Variants in PDS5A observed in about 807,000 individuals in gnomAD.
The protein encoded by PDS5A is PDS5 cohesin associated factor A, also known as sister chromatid cohesion protein PDS5 homolog A.
A neutral mutation model predicts 167.1 loss-of-function variants in PDS5A; 42 were observed. That is an observed-to-expected ratio of 0.25 (90% CI 0.20 to 0.33). The LOEUF is 0.33. PDS5A is among the 10% of genes least tolerant of loss of function. The pLI, the probability that PDS5A is intolerant of heterozygous loss-of-function variation, is 1.00. For synonymous variants in PDS5A, 553 were observed against 554.6 expected (o/e 1.00, Z 0.04); for missense variants, 1,033 against 1,605.9 (o/e 0.64, Z 6.10).
chr4:39,908,367 CAGA>C, intron 11 of PDS5A, 25 bp downstream of exon 11: 1 of 1,576,658 alleles, frequency 6.3e-7, no homozygotes, highest in Non-Finnish European at 8.7e-7. Context: ...CAGTAAATTA[CAGA>C]AGAATAAAAT....
chr4:39,939,859 T>C (rs13132861), intron 2 of PDS5A, among the ~76,000 whole-genome samples: 145,060 of 152,308 alleles, frequency 0.95, 69,097 homozygotes, highest in East Asian at 0.99. Flanking sequence ...AACTACTGTA[T>C]AATACTTTGG....
chr4:39,853,847 C>CT (rs1324113650), intron 26 of PDS5A, among the ~76,000 whole-genome samples: 1 of 152,230 alleles, frequency 6.6e-6, no homozygotes, highest in African/African-American at 2.4e-5. Context: ...CATTGCTTTA[C>CT]TACAGCTGCC....
intron 5 of PDS5A, 53 bp from the exon 6 acceptor site, chr4:39,922,801 T>C: frequency 7.4e-7 from 1 of 1,351,278 alleles, no homozygotes; most frequent in Non-Finnish European, 9.6e-7. Context: ...AAGAAGAGAA[T>C]TCAAGCTTCT....
rs186423708 is a variant in PDS5A at position 39,956,280 on chromosome 4, T to C, written c.138+20160A>G. Among the ~76,000 whole-genome samples, 659 of 151,992 alleles carry C rather than the reference T, an allele frequency of 4.3e-3. 3 individuals carry two copies. The highest frequency in any genetic ancestry group is 6.6e-3 in the South Asian group (32 of 4,818). On this transcript the variant is annotated intron_variant, in intron 2 of 32. Transcript: ENST00000303538. ...GCTATGGCAGGCAAATCACTTGAGATCAAGAGTTGGAGACTAGCCCGGCCA... is the reference window on the plus strand; with the variant it reads ...GCTATGGCAGGCAAATCACTTGAGACCAAGAGTTGGAGACTAGCCCGGCCA...
intron 23 of PDS5A, among the ~76,000 whole-genome samples, chr4:39,864,130 AAAAAAACAAAAAAC>A (rs546147030): frequency 1.6e-4 from 25 of 152,008 alleles, no homozygotes; most frequent in Non-Finnish European, 2.4e-4. Flanking sequence ...CTCTGTCTCA[AAAAAAACAAAAAAC>A]AAAAAACAAA....
chr4:39,958,044 C>CCA (rs2109801238), intron 2 of PDS5A, among the ~76,000 whole-genome samples: 1 of 152,126 alleles, frequency 6.6e-6, no homozygotes, highest in African/African-American at 2.4e-5. Flanking sequence ...GAGCACACCA[C>CCA]CACACCTAGC....
At chr4:39,830,398 T>C (rs1372685862) in intron 32 of PDS5A, among the ~76,000 whole-genome samples, 2 of 152,092 alleles carry the variant, frequency 1.3e-5, no homozygotes, top group African/African-American at 4.8e-5. Context: ...CTTGCTATAG[T>C]ACCAAATAAC....
intron 7 of PDS5A, among the ~76,000 whole-genome samples, chr4:39,917,957 A>G (rs1315569948): frequency 6.6e-6 from 1 of 151,948 alleles, no homozygotes; most frequent in Non-Finnish European, 1.5e-5. Context: ...AGGCACGACA[A>G]TCTTGAGCCC....
chr4:39,970,363 C>G (rs1211060889), intron 2 of PDS5A, among the ~76,000 whole-genome samples: 3 of 151,444 alleles, frequency 2.0e-5, no homozygotes, highest in Non-Finnish European at 4.4e-5. Context: ...GAAAACATAT[C>G]TTAGCTCTTT....
At chr4:39,873,548 T>C (rs1416332766) in intron 20 of PDS5A, among the ~76,000 whole-genome samples, 1 of 152,052 alleles carries the variant, frequency 6.6e-6, no homozygotes, top group Non-Finnish European at 1.5e-5. Flanking sequence ...TCACACTATC[T>C]CCAATTTATG....
chr4:39,904,145 T>C lies in PDS5A; in HGVS notation c.1280A>G (p.Lys427Arg). The C allele has an allele frequency of 1.9e-6, 3 of 1,612,744 alleles. No homozygotes were observed. Among genetic ancestry groups the C allele is most frequent in the Non-Finnish European group, 2.5e-6 (3 of 1,179,116 alleles). ...EAMMGLAQLYKKYCLHGEAGK... is the reference protein window; with the variant it reads ...EAMMGLAQLYRKYCLHGEAGK... ...TGCTTCACCATGAAGACAGTATTTC[T>C]TATAAAGCTGAGCCAGACCCATCAT... Residue 427 changes from lysine (K) to arginine (R), a missense_variant, in exon 12 of 33, where the codon AAG (lysine) becomes AGG (arginine). Physicochemically the swap from Lys to Arg is conservative, Grantham distance 26. Around this residue, in one of 4 missense-constraint regions of PDS5A, gnomAD observed 388 missense variants for 615.1 expected, o/e 0.63. Coordinates refer to ENST00000303538, the MANE Select transcript of PDS5A (RefSeq NM_001100399.2).
At chr4:39,918,182 C>CAAAAAA (rs11447119) in intron 7 of PDS5A, among the ~76,000 whole-genome samples, 21 of 88,548 alleles carry the variant, frequency 2.4e-4, no homozygotes, top group Admixed American at 4.2e-4. Context: ...GACCCTGTCT[C>CAAAAAA]AAAAAAAAAA....
In PDS5A at chr4:39,829,546, C is replaced by G. The variant is rs139811810; in HGVS notation, c.4011-4058G>C. 1.1e-3 allele frequency among the ~76,000 whole-genome samples: 168 copies of G among 151,722 alleles called. 1 individual carries two copies. The East Asian group carries it at 0.028, about 26-fold the overall frequency. ...CCTGTAGTTCTAGCTACTCGGGAGG[C>G]TGAAGCAGAAAAATTGCTTTAATCC... is the stretch of plus-strand genomic sequence containing the variant. On this transcript the variant is annotated intron_variant, in intron 32 of 32. Coordinates refer to ENST00000303538, the MANE Select transcript of PDS5A (RefSeq NM_001100399.2).
chr4:39,929,914 C>A (rs1225909497), intron 2 of PDS5A, among the ~76,000 whole-genome samples: 267 of 142,572 alleles, frequency 1.9e-3, no homozygotes, highest in African/African-American at 6.6e-3. Flanking sequence ...CCTGGCTAAT[C>A]AAAAAAAAAA....
At chr4:39,904,335 C>G in intron 11 of PDS5A, 144 bp from the exon 12 acceptor site, 1 of 475,580 alleles carries the variant, frequency 2.1e-6, no homozygotes, top group Non-Finnish European at 3.6e-6. Context: ...AGAGGCTTTA[C>G]AAACAATTTT....
At chr4:39,928,887 T>C (rs982915774) in intron 2 of PDS5A, among the ~76,000 whole-genome samples, 2 of 150,982 alleles carry the variant, frequency 1.3e-5, no homozygotes, top group Admixed American at 6.6e-5. Flanking sequence ...AATTAAAACA[T>C]TTAATTAACC....
At position 39,905,886 on chromosome 4, in the gene PDS5A, G is replaced by T. The variant is rs151318925; in HGVS notation, c.1234-1695C>A. ...AAAAAGGAAAGGAGGCAGGGAGAAA[G>T]GAAGTTAGAAAAATTAATGATTCAA... On this transcript the variant is annotated intron_variant, in intron 11 of 32. Coordinates refer to ENST00000303538, the MANE Select transcript of PDS5A (RefSeq NM_001100399.2). Among the ~76,000 whole-genome samples the T allele has an allele frequency of 4.6e-3, 699 of 151,012 alleles. 8 individuals carry two copies. Among genetic ancestry groups the T allele is most frequent in the African/African-American group, 0.016 (659 of 41,138 alleles).
At chr4:39,871,238 T>C (rs1719998898) in intron 21 of PDS5A, among the ~76,000 whole-genome samples, 1 of 152,170 alleles carries the variant, frequency 6.6e-6, no homozygotes, top group Non-Finnish European at 1.5e-5. Flanking sequence ...GTGGCTATTA[T>C]GTTAGTGAAT....
intron 29 of PDS5A, among the ~76,000 whole-genome samples, chr4:39,845,572 T>G (rs1290740505): frequency 2.0e-5 from 3 of 152,206 alleles, no homozygotes; most frequent in Non-Finnish European, 4.4e-5. Flanking sequence ...CAGGAAAGTC[T>G]TCTTTGTGAA....
Sources: gnomAD v4.1 joint callset for allele counts (sites outside exome capture counted in the v4.1 genomes callset) on GRCh38, gnomAD v4.1.1 for gene constraint, gnomAD v4.1.1 regional missense constraint, MANE v1.5 for transcripts, NCBI Gene and HGNC (gene_info 2026-07-23, HGNC 2026-07-21) for gene names.